NCAN: variants seen among roughly 807,000 people sequenced by gnomAD.
NCAN encodes neurocan.
NCAN carries 47 observed loss-of-function variants against 121.8 expected under a neutral mutation model. The observed-to-expected ratio is 0.39, with a 90% CI of 0.31 to 0.49. NCAN has a LOEUF of 0.49. Ranked by LOEUF, NCAN falls within the 20% of genes least tolerant of loss-of-function variation. The probability of loss-of-function intolerance (pLI) is 0.92; values close to 1 mark genes in which losing one functional copy is unlikely to be tolerated. For synonymous variants in NCAN, 633 were observed against 702.0 expected (o/e 0.90, Z 1.55); for missense variants, 1,517 against 1,773.4 (o/e 0.86, Z 2.60).
intron 12 of NCAN, among the ~76,000 whole-genome samples, chr19:19,241,135 A>G (rs1376115962): frequency 1.3e-5 from 2 of 152,110 alleles, no homozygotes; most frequent in Non-Finnish European, 2.9e-5. Context: ...CCACGCCTCT[A>G]ATCCCAGCTA....
At chr19:19,248,914 G>A in intron 14 of NCAN, 32 bp downstream of exon 14, 1 of 1,604,392 alleles carries the variant, frequency 6.2e-7, no homozygotes, top group South Asian at 1.1e-5. Context: ...TCTCAACATA[G>A]GTTTTTGGTA....
chr19:19,231,906 G>A (rs563839663), intron 8 of NCAN, among the ~76,000 whole-genome samples: 14 of 151,998 alleles, frequency 9.2e-5, no homozygotes, highest in African/African-American at 3.4e-4. Flanking sequence ...CTTGACCCTG[G>A]GAGGTTGCAG....
chr19:19,240,452 C>T (rs781262076), intron 11 of NCAN, 151 bp from the exon 12 acceptor site: 23 of 699,608 alleles, frequency 3.3e-5, no homozygotes, highest in Non-Finnish European at 5.6e-5. Context: ...TTTCCACCTT[C>T]TAGATCTTTC....
At chr19:19,231,322 T>C (rs1194431307) in intron 8 of NCAN, among the ~76,000 whole-genome samples, 1 of 148,924 alleles carries the variant, frequency 6.7e-6, no homozygotes, top group Non-Finnish European at 1.5e-5. Flanking sequence ...CATCTGAACA[T>C]GGGGTTTCTT....
intron 3 of NCAN, among the ~76,000 whole-genome samples, chr19:19,220,952 T>TG (rs1359167286): frequency 6.6e-6 from 1 of 151,188 alleles, no homozygotes; most frequent in East Asian, 1.9e-4. Context: ...AAAACGGGGA[T>TG]GGGGGCCCAG....
chr19:19,225,346 A>C lies in NCAN; in HGVS notation c.1072+76A>C. On this transcript the variant is annotated intron_variant, in intron 6 of 14. Transcript: ENST00000252575. The surrounding 1 kb of genome is among the most constrained non-coding windows in gnomAD (Gnocchi z 4.0). The stretch of plus-strand genomic sequence containing the variant: ...GGCCACGTCCCTGAAAGCCTCGCCA[A>C]GCCAAGGGAGAGACACATGGAAGCT... The C allele has an allele frequency of 7.1e-7, 1 of 1,417,954 alleles. No individual in the cohort carries two copies. The highest frequency in any genetic ancestry group is 9.1e-7 in the Non-Finnish European group (1 of 1,093,942). The allele number at this position is 1,417,954 out of a possible 1,614,324, so 87.8% of individuals were successfully genotyped here.
rs2146544359 is a variant in NCAN, at chr19:19,228,383, T to C, written c.2763T>C (p.Ser921=). The C allele has an allele frequency of 1.2e-6, 2 of 1,613,634 alleles. No homozygotes were observed. Among genetic ancestry groups the C allele is most frequent in the East Asian group, 2.2e-5 (1 of 44,870 alleles). ...CTTCAGTGCCTCCGCATCAGAGCAG[T>C]CCCCTAGGGAAACCGGCTGTTCCTC... ...SGASVPPHQS[S]PLGKPAVPPG... is the part of the protein sequence containing the mutation. The change falls in exon 8 of 15, where the codon AGT becomes AGC. Residue 921 remains serine (S), a synonymous_variant. Transcript: ENST00000252575.
chr19:19,227,058 G>T lies in NCAN; in HGVS notation c.1645G>T (p.Asp549Tyr). Residue 549 changes from aspartate (D) to tyrosine (Y), a missense_variant, in exon 7 of 15, where the codon GAT becomes TAT. Asp to Tyr is a radical substitution (Grantham distance 160, BLOSUM62 -3). Transcript: ENST00000252575. This position sits in a 1 kb window ranked among gnomAD's most constrained non-coding sequence, Gnocchi z 4.2. ...CTGGGCTGATCTGACCAATGAGGTGGATATGCCTGGAGCTGGTGAGTTGCT... is the reference window on the plus strand; with the variant it reads ...CTGGGCTGATCTGACCAATGAGGTGTATATGCCTGGAGCTGGTGAGTTGCT... ...SPWADLTNEV[D>Y]MPGAGSAGGK... 1 of 1,511,082 alleles carries T rather than the reference G, an allele frequency of 6.6e-7. No homozygotes were observed. Among genetic ancestry groups the T allele is most frequent in the Non-Finnish European group, 8.8e-7 (1 of 1,131,386 alleles). The allele number at this position is 1,511,082 out of a possible 1,614,324, so 93.6% of individuals were successfully genotyped here.
Position 19,219,006 on chromosome 19 carries a change from G to T in NCAN, c.165G>T (p.Val55=). Residue 55 remains valine, a synonymous_variant, in exon 3 of 15, where the codon GTG becomes GTT. Transcript: ENST00000252575. The part of the protein sequence containing the change: ...GSVQAALAEL[V]ALPCLFTLQP... Reference sequence around the variant, plus strand: ...TGCAGGCTGCGCTGGCGGAGCTGGTGGCCCTGCCCTGTCTCTTTACCCTGC... The same window carrying T: ...TGCAGGCTGCGCTGGCGGAGCTGGTTGCCCTGCCCTGTCTCTTTACCCTGC... The T allele has an allele frequency of 6.2e-7, 1 of 1,602,514 alleles. No individual in the cohort carries two copies. Among genetic ancestry groups the T allele is most frequent in the South Asian group, 1.1e-5 (1 of 89,718 alleles).
intron 10 of NCAN, 55 bp downstream of exon 10, chr19:19,235,151 G>A: frequency 8.5e-7 from 1 of 1,176,114 alleles, no homozygotes; most frequent in Non-Finnish European, 1.3e-6. Flanking sequence ...TGGGTGCCCA[G>A]CCACAGGCTT....
At position 19,227,874 on chromosome 19, in the gene NCAN, G is replaced by C. The variant is rs982235526; in HGVS notation, c.2254G>C (p.Gly752Arg). 1.9e-6 allele frequency: 3 copies of C among 1,613,576 alleles called. No individual in the cohort carries two copies. The highest frequency in any genetic ancestry group is 2.5e-6 in the Non-Finnish European group (3 of 1,180,022). Residue 752 changes from glycine (G) to arginine (R), a missense_variant, in exon 8 of 15, where the codon GGT becomes CGT. Physicochemically the swap from Gly to Arg is moderately radical, Grantham distance 125. Transcript: ENST00000252575. The surrounding 1 kb of genome is among the most constrained non-coding windows in gnomAD (Gnocchi z 4.2). ...TGCCACTGAGCCAACGGGCCTCAGG[G>C]GTATCCCGGGGTCTGAGTCTGGGGT... ...ETATEPTGLR[G>R]IPGSESGVFD...
At chr19:19,239,712 C>T (rs1356846578) in intron 11 of NCAN, among the ~76,000 whole-genome samples, 1 of 131,370 alleles carries the variant, frequency 7.6e-6, no homozygotes, top group Non-Finnish European at 1.6e-5. Context: ...TTCATCCCCT[C>T]CTCCCTCCTG....
Position 19,224,585 on chromosome 19 carries a change from A to C in NCAN, c.778+152A>C, listed in dbSNP as rs570911515. 74 of 1,077,786 alleles carry C rather than the reference A, an allele frequency of 6.9e-5. No homozygotes were observed. The Admixed American group carries it at 7.3e-4, about 11-fold the overall frequency. 66.8% of individuals were successfully genotyped at this position (1,077,786 alleles called of 1,614,324 possible). A position where few individuals can be genotyped will look rare whatever the true frequency, so the allele number is the denominator to read the frequency against. On this transcript the variant is annotated intron_variant, in intron 5 of 14. Coordinates refer to ENST00000252575, the MANE Select transcript of NCAN (RefSeq NM_004386.3). ...AAGACATGATTCCACTCATTTTCTG[A>C]GCTTTCCATGCCTCCCTGAGTCCCC...
chr19:19,216,024 A>G (rs1343765375), intron 1 of NCAN, among the ~76,000 whole-genome samples: 1 of 152,232 alleles, frequency 6.6e-6, no homozygotes, highest in Admixed American at 6.5e-5. Context: ...AAAGTAAGGC[A>G]CAGAGAAGGT....
chr19:19,230,838 C>T (rs1383777078), intron 8 of NCAN, among the ~76,000 whole-genome samples: 1 of 148,476 alleles, frequency 6.7e-6, no homozygotes, highest in Non-Finnish European at 1.5e-5. Flanking sequence ...CCCACATCAG[C>T]TTCTCCAGTA....
In NCAN at chr19:19,223,875, G is replaced by A. The variant is rs1232188341; in HGVS notation, c.476-146G>A. The A allele has an allele frequency of 1.3e-5, 9 of 669,688 alleles. No homozygotes were observed. The African/African-American group carries it at 1.7e-4, about 13-fold the overall frequency. The allele number at this position is 669,688 out of a possible 1,614,324, so 41.5% of individuals were successfully genotyped here. A position where few individuals can be genotyped will look rare whatever the true frequency, so the allele number is the denominator to read the frequency against. On this transcript the variant is annotated intron_variant, in intron 3 of 14. Transcript: ENST00000252575. ...TGTAAAATGGGGGCATATGGATCTT[G>A]CTCCCCACCCTCGACCCACACTGTG... is the stretch of plus-strand genomic sequence containing the variant.
At chr19:19,222,967 G>T (rs1346792896) in intron 3 of NCAN, among the ~76,000 whole-genome samples, 1 of 152,110 alleles carries the variant, frequency 6.6e-6, no homozygotes, top group Admixed American at 6.6e-5. Flanking sequence ...AAATTAGCTG[G>T]GCGTGATGGC....
intron 12 of NCAN, among the ~76,000 whole-genome samples, chr19:19,242,622 T>C (rs1249778576): frequency 7.0e-6 from 1 of 143,184 alleles, no homozygotes; most frequent in Non-Finnish European, 1.5e-5. Context: ...CTGGAAGGCG[T>C]AGGTTGCAGT....
chr19:19,221,303 G>A (rs982064675), intron 3 of NCAN, among the ~76,000 whole-genome samples: 46 of 151,494 alleles, frequency 3.0e-4, no homozygotes, highest in African/African-American at 1.1e-3. Context: ...ATTTTGGGAG[G>A]TCGAGACGGG....
Sources: gnomAD v4.1 joint callset for allele counts (sites outside exome capture counted in the v4.1 genomes callset) on GRCh38, gnomAD v4.1.1 for gene constraint, Gnocchi (gnomAD v3.1) non-coding constraint, MANE v1.5 for transcripts, NCBI Gene and HGNC (gene_info 2026-07-23, HGNC 2026-07-21) for gene names.